Variants in MYCBP2 observed in about 807,000 individuals in gnomAD.
The protein encoded by MYCBP2 is E3 ubiquitin-protein ligase MYCBP2.
In MYCBP2, 120 loss-of-function variants were observed where a neutral mutation model predicts 525.3. The observed-to-expected ratio is 0.23, with a 90% confidence interval of 0.20 to 0.27. The LOEUF (loss-of-function observed/expected upper bound fraction) is 0.27, where lower values mean the gene tolerates loss of function less well. Ranked by LOEUF, MYCBP2 falls within the 10% of genes least tolerant of loss-of-function variation. MYCBP2 has a pLI of 1.00. For missense variants in MYCBP2, 4,149 were observed against 5,657.1 expected (o/e 0.73, Z 8.55); for synonymous variants, 1,894 against 1,955.8 (o/e 0.97, Z 0.83).
Position 77,121,421 on chromosome 13 carries a change from C to T in MYCBP2, c.8092G>A (p.Ala2698Thr), listed in dbSNP as rs1482356062. 6.3e-7 allele frequency: 1 copy of T among 1,597,638 alleles called. No homozygotes were observed. Among genetic ancestry groups the T allele is most frequent in the Non-Finnish European group, 8.6e-7 (1 of 1,168,760 alleles). ...TCAAATCCTTGGGCACTGCAACTTG[C>T]CCCTTTATTAAAAGCTTGCACTGAG... ...PFSVQAFNKGASCSAQGFDYG... is the reference protein window; with the variant it reads ...PFSVQAFNKGTSCSAQGFDYG... Residue 2698 changes from alanine (A) to threonine (T), a missense_variant, in exon 55 of 83, where the codon GCA (alanine) becomes ACA (threonine). Around this residue, in one of 21 missense-constraint regions of MYCBP2, gnomAD observed 653 missense variants for 744.7 expected, o/e 0.88. Transcript: ENST00000544440.
Position 77,326,661 on chromosome 13 carries a change from T to C in MYCBP2, c.115A>G (p.Met39Val), listed in dbSNP as rs756982068. Residue 39 changes from methionine to valine, a missense_variant, in exon 1 of 83, where the codon ATG becomes GTG. By Grantham distance (21) the Met-to-Val change is conservative. Around this residue, in one of 21 missense-constraint regions of MYCBP2, gnomAD observed 413 missense variants for 451.2 expected, o/e 0.92. Coordinates refer to ENST00000544440, the MANE Select transcript of MYCBP2 (RefSeq NM_015057.5). The surrounding 1 kb of genome is among the most constrained non-coding windows in gnomAD (Gnocchi z 4.2). ...GCCACGGAGCCGTCGGGAACCGGCATGAACAGCGCCCCCGGCGCCGGGGAG... is the reference window on the plus strand; with the variant it reads ...GCCACGGAGCCGTCGGGAACCGGCACGAACAGCGCCCCCGGCGCCGGGGAG... ...SSSPAPGALF[M>V]PVPDGSVAAA... is the part of the protein sequence containing the mutation. 6.7e-7 allele frequency: 1 copy of C among 1,497,434 alleles called. No homozygotes were observed. Among genetic ancestry groups the C allele is most frequent in the Non-Finnish European group, 8.9e-7 (1 of 1,128,902 alleles). 92.8% of individuals were successfully genotyped at this position (1,497,434 alleles called of 1,614,324 possible).
chr13:77,074,233 T>TA (rs1312856019), intron 68 of MYCBP2, among the ~76,000 whole-genome samples: 1 of 152,148 alleles, frequency 6.6e-6, no homozygotes, highest in African/African-American at 2.4e-5. Context: ...TGATAAATGA[T>TA]AGTCTTCTCA....
chr13:77,125,440 T>C lies in MYCBP2; in HGVS notation c.7913A>G (p.Gln2638Arg), dbSNP rs781236587. The C allele has an allele frequency of 6.2e-7, 1 of 1,613,908 alleles. No homozygotes were observed. Among genetic ancestry groups the C allele is most frequent in the Non-Finnish European group, 8.5e-7 (1 of 1,179,824 alleles). Residue 2638 changes from glutamine to arginine, a missense_variant, in exon 54 of 83, where the codon CAA becomes CGA. By Grantham distance (43) the Gln-to-Arg change is conservative. This residue lies in a region of MYCBP2 where 653 missense variants were observed against 744.7 expected (regional missense o/e 0.88). Transcript: ENST00000544440. ...EVTNSEGTWV[Q>R]LDQNSMVEFC... ...CTCTACCATGCTGTTCTGATCCAGTTGCACCCATGTCCCTTCAGAATTGGT... is the reference window on the plus strand; with the variant it reads ...CTCTACCATGCTGTTCTGATCCAGTCGCACCCATGTCCCTTCAGAATTGGT...
At chr13:77,116,967 T>G (rs1232268658) in intron 55 of MYCBP2, among the ~76,000 whole-genome samples, 1 of 152,068 alleles carries the variant, frequency 6.6e-6, no homozygotes, top group Non-Finnish European at 1.5e-5. Context: ...AATTTTTCAT[T>G]TAAAACTGAA....
chr13:77,202,924 C>A (rs982181955), intron 26 of MYCBP2, among the ~76,000 whole-genome samples: 1 of 152,038 alleles, frequency 6.6e-6, no homozygotes, highest in Non-Finnish European at 1.5e-5. Flanking sequence ...TATGACAAAC[C>A]CACAGCCAGT....
Position 77,294,131 on chromosome 13 carries a change from C to CATATATATATATATATATACATAT in MYCBP2, c.378+2467_378+2468insATATGTATATATATATATATATAT. ...ATATATATATATATATATATATATACATATATATATACATATATATAAAAT... is the reference window on the plus strand; with the variant it reads ...ATATATATATATATATATATATATACATATATATATATATATATACATATATATATATATACATATATATAAAAT... On this transcript the variant is annotated intron_variant, in intron 2 of 82. Coordinates refer to ENST00000544440, the MANE Select transcript of MYCBP2 (RefSeq NM_015057.5). 2.7e-4 allele frequency among the ~76,000 whole-genome samples: 18 copies of CATATATATATATATATATACATAT among 65,692 alleles called. 2 individuals carry two copies. 43.1% of individuals were successfully genotyped at this position (65,692 alleles called of 152,430 possible).
In MYCBP2 at chr13:77,058,434, C is replaced by A. The variant is rs9573991; in HGVS notation, c.13141-28G>T. 52,608 of 1,521,570 alleles carry A rather than the reference C, an allele frequency of 0.035. 1,952 individuals carry two copies. Among genetic ancestry groups the A allele is most frequent in the East Asian group, 0.15 (6,348 of 41,796 alleles). 94.3% of individuals were successfully genotyped at this position (1,521,570 alleles called of 1,614,324 possible). ...GTTAAAGATGAATTACAATGTTACA[C>A]AAGTATGTAAAAAAGCACACATTCT... On this transcript the variant is annotated intron_variant, in intron 77 of 82. Transcript: ENST00000544440. The surrounding 1 kb of genome is among the most constrained non-coding windows in gnomAD (Gnocchi z 4.1).
Position 77,191,707 on chromosome 13 carries a change from C to G in MYCBP2, c.4042G>C (p.Gly1348Arg). 1 of 1,613,986 alleles carries G rather than the reference C, an allele frequency of 6.2e-7. No homozygotes were observed. Among genetic ancestry groups the G allele is most frequent in the South Asian group, 1.1e-5 (1 of 91,062 alleles). ...TCATCTGTGGTAATAGATGCCTGTCCATGAGATCCACAGTCACTGCTGGGT... is the reference window on the plus strand; with the variant it reads ...TCATCTGTGGTAATAGATGCCTGTCGATGAGATCCACAGTCACTGCTGGGT... ...SGPSSDCGSH[G>R]QASITTDDGV... The change falls in exon 28 of 83, where the codon GGA (glycine) becomes CGA (arginine). Residue 1348 changes from glycine to arginine, a missense_variant. By Grantham distance (125) the Gly-to-Arg change is moderately radical. Around this residue, in one of 21 missense-constraint regions of MYCBP2, gnomAD observed 620 missense variants for 795.5 expected, o/e 0.78. Coordinates refer to ENST00000544440, the MANE Select transcript of MYCBP2 (RefSeq NM_015057.5).
chr13:77,261,995 G>GTA, intron 11 of MYCBP2, 58 bp downstream of exon 11: 1 of 1,317,604 alleles, frequency 7.6e-7, no homozygotes, highest in Non-Finnish European at 1.1e-6. Context: ...TCAACAGATT[G>GTA]TATTTTAATC....
chr13:77,205,736 G>A (rs2063252908), intron 24 of MYCBP2, 138 bp from the exon 25 acceptor site: 3 of 714,594 alleles, frequency 4.2e-6, no homozygotes, highest in Non-Finnish European at 6.5e-6. Flanking sequence ...TCATTTCATG[G>A]AAGAATGCTT....
chr13:77,156,316 CATT>C, intron 45 of MYCBP2, 114 bp from the exon 46 acceptor site: 1 of 908,690 alleles, frequency 1.1e-6, no homozygotes, highest in Non-Finnish European at 1.6e-6. Flanking sequence ...AATGCTAAAA[CATT>C]ATCTTCATTT....
chr13:77,181,673 G>A (rs1356167090), intron 33 of MYCBP2, 28 bp downstream of exon 33: 3 of 1,588,642 alleles, frequency 1.9e-6, no homozygotes, highest in East Asian at 4.5e-5. Context: ...TAGTGCCTCT[G>A]TATAAAAGAT....
chr13:77,079,034 C>T (rs2042839267), intron 65 of MYCBP2, 145 bp from the exon 66 acceptor site: 1 of 623,056 alleles, frequency 1.6e-6, no homozygotes, highest in Non-Finnish European at 2.9e-6. Flanking sequence ...ATCCCTCCAA[C>T]TAACCACGGT....
chr13:77,254,942 T>C (rs2154332579), intron 14 of MYCBP2, among the ~76,000 whole-genome samples: 1 of 152,148 alleles, frequency 6.6e-6, no homozygotes, highest in Non-Finnish European at 1.5e-5. Flanking sequence ...CATTCTTTTT[T>C]AGGGATGAAT....
At chr13:77,204,108 C>G (rs1449241577) in intron 26 of MYCBP2, among the ~76,000 whole-genome samples, 1 of 149,838 alleles carries the variant, frequency 6.7e-6, no homozygotes, top group African/African-American at 2.4e-5. Context: ...AGTGAACAGG[C>G]AACCTACAAA....
chr13:77,125,565 C>T (rs2154165800), intron 53 of MYCBP2, 97 bp from the exon 54 acceptor site: 1 of 1,238,708 alleles, frequency 8.1e-7, no homozygotes, highest in East Asian at 2.5e-5. Flanking sequence ...ATAGTGTAAT[C>T]ATTCCAATAC....
At chr13:77,185,549 G>A (rs1403579401) in intron 31 of MYCBP2, among the ~76,000 whole-genome samples, 172 bp from the exon 32 acceptor site, 1 of 152,044 alleles carries the variant, frequency 6.6e-6, no homozygotes, top group Non-Finnish European at 1.5e-5. Context: ...TAAATGGAAG[G>A]GGGAATAAAA....
intron 24 of MYCBP2, among the ~76,000 whole-genome samples, chr13:77,206,128 CAT>C (rs1427911639): frequency 6.6e-6 from 1 of 151,882 alleles, no homozygotes; most frequent in Non-Finnish European, 1.5e-5. Context: ...CAACAAAATA[CAT>C]AGTTACATAG....
intron 8 of MYCBP2, among the ~76,000 whole-genome samples, chr13:77,265,324 A>G (rs2073922137): frequency 6.6e-6 from 1 of 152,142 alleles, no homozygotes; most frequent in African/African-American, 2.4e-5. Flanking sequence ...AAAGCAAAGA[A>G]GAAAAACTCA....
Sources: gnomAD v4.1 joint callset for allele counts (sites outside exome capture counted in the v4.1 genomes callset) on GRCh38, gnomAD v4.1.1 for gene constraint, gnomAD v4.1.1 regional missense constraint, Gnocchi (gnomAD v3.1) non-coding constraint, MANE v1.5 for transcripts, NCBI Gene and HGNC (gene_info 2026-07-23, HGNC 2026-07-21) for gene names.